FRMD4A: variants seen among roughly 807,000 people sequenced by gnomAD.
FRMD4A encodes the protein FERM domain containing 4A, also known as FERM domain-containing protein 4A.
FRMD4A carries 29 observed loss-of-function variants against 129.1 expected under a neutral mutation model. That is an observed-to-expected ratio of 0.22 (90% CI 0.17 to 0.31). FRMD4A has a LOEUF of 0.31. Among genes scored for constraint, FRMD4A ranks in the 10% least tolerant of loss-of-function variants. The probability of loss-of-function intolerance (pLI) is 1.00; values close to 1 mark genes in which losing one functional copy is unlikely to be tolerated. For synonymous variants in FRMD4A, 634 were observed against 571.6 expected, an observed-to-expected ratio of 1.11 and a Z score of -1.56; for missense variants, 1,272 against 1,375.8, an observed-to-expected ratio of 0.92 and a Z score of 1.19.
intron 2 of FRMD4A, among the ~76,000 whole-genome samples, chr10:14,204,105 G>C (rs1461941527): frequency 6.6e-6 from 1 of 152,138 alleles, no homozygotes; most frequent in Non-Finnish European, 1.5e-5. Flanking sequence ...ATTACCGAAA[G>C]GAAGAAAGGA....
chr10:13,844,685 G>C (rs750686070), intron 3 of FRMD4A, among the ~76,000 whole-genome samples: 2 of 152,206 alleles, frequency 1.3e-5, no homozygotes, highest in Non-Finnish European at 2.9e-5. Context: ...TCAGTTTGAA[G>C]TGGCACTTTG....
chr10:14,218,485 G>A (rs895383585), intron 2 of FRMD4A, among the ~76,000 whole-genome samples: 10 of 152,166 alleles, frequency 6.6e-5, no homozygotes, highest in African/African-American at 2.4e-4. Context: ...GGTTTATGAA[G>A]TTCTTTGTAT....
chr10:13,714,864 T>C (rs980795372), intron 12 of FRMD4A, among the ~76,000 whole-genome samples: 14 of 151,362 alleles, frequency 9.2e-5, no homozygotes, highest in African/African-American at 3.4e-4. Flanking sequence ...ATGGTGAACC[T>C]CTGTCTCTAC....
At position 13,940,364 on chromosome 10, in the gene FRMD4A, G is replaced by T. The variant is rs2095281758; in HGVS notation, c.46-81452C>A. Among the ~76,000 whole-genome samples the T allele has an allele frequency of 5.3e-5, 8 of 152,230 alleles. No homozygotes were observed. In the South Asian group the frequency reaches 1.5e-3, roughly 28 times the overall value. ...TTAGGAATATGTCAACTGTTGCAGTGTAAGGGGCTAGAATGTGAGGTCTTT... is the reference window on the plus strand; with the variant it reads ...TTAGGAATATGTCAACTGTTGCAGTTTAAGGGGCTAGAATGTGAGGTCTTT... On this transcript the variant is annotated intron_variant, in intron 2 of 24. Coordinates refer to ENST00000357447, the MANE Select transcript of FRMD4A (RefSeq NM_018027.5).
chr10:13,937,011 C>T (rs191762416), intron 2 of FRMD4A, among the ~76,000 whole-genome samples: 79 of 152,332 alleles, frequency 5.2e-4, no homozygotes, highest in African/African-American at 1.8e-3. Flanking sequence ...GGCAGGCATG[C>T]ATTGCCCTTC....
At chr10:13,712,143 T>C (rs964422997) in intron 12 of FRMD4A, 4 of 152,268 alleles carry the variant, frequency 2.6e-5, no homozygotes, top group African/African-American at 9.6e-5. Context: ...TAGTTTTCTA[T>C]ACAGCAATGC....
chr10:14,205,876 G>A (rs899638943), intron 2 of FRMD4A, among the ~76,000 whole-genome samples: 2 of 151,420 alleles, frequency 1.3e-5, no homozygotes, highest in African/African-American at 4.9e-5. Context: ...TGCTTGATTT[G>A]GGATGTAAAA....
At chr10:14,097,247 G>A (rs1487521603) in intron 2 of FRMD4A, 1 of 145,456 alleles carries the variant, frequency 6.9e-6, no homozygotes, top group African/African-American at 2.5e-5. Flanking sequence ...GTAAATTTTA[G>A]AAATAGAATT....
intron 2 of FRMD4A, among the ~76,000 whole-genome samples, chr10:13,925,550 C>G (rs2095121732): frequency 1.2e-5 from 1 of 82,466 alleles, no homozygotes; most frequent in African/African-American, 4.9e-5. Flanking sequence ...GTGAAAGTTT[C>G]TATTGTAGTG....
intron 2 of FRMD4A, among the ~76,000 whole-genome samples, chr10:14,130,409 T>C (rs1163044415): frequency 6.6e-6 from 1 of 152,094 alleles, no homozygotes; most frequent in Non-Finnish European, 1.5e-5. Flanking sequence ...TGCAGGTGCA[T>C]GCCACAATGT....
At chr10:13,680,617 T>C (rs943081708) in intron 15 of FRMD4A, among the ~76,000 whole-genome samples, 1 of 151,934 alleles carries the variant, frequency 6.6e-6, no homozygotes, top group Non-Finnish European at 1.5e-5. Flanking sequence ...TCCCAGCTAC[T>C]TGGGGAGCCG....
intron 2 of FRMD4A, among the ~76,000 whole-genome samples, chr10:13,972,953 C>A (rs1015920371): frequency 2.6e-4 from 39 of 152,234 alleles, no homozygotes; most frequent in African/African-American, 8.9e-4. Context: ...TTAACTAATA[C>A]CATCAGAAAA....
intron 19 of FRMD4A, among the ~76,000 whole-genome samples, chr10:13,663,052 G>C (rs1413142428): frequency 1.3e-5 from 2 of 151,922 alleles, no homozygotes; most frequent in African/African-American, 4.8e-5. Context: ...AAATTGCCAG[G>C]TGTGGTGGCA....
chr10:13,840,848 C>A (rs1163114834), intron 3 of FRMD4A, among the ~76,000 whole-genome samples: 1 of 129,022 alleles, frequency 7.8e-6, no homozygotes, highest in Non-Finnish European at 1.6e-5. Context: ...ATGGCTCATG[C>A]CTATAATCCC....
intron 2 of FRMD4A, among the ~76,000 whole-genome samples, chr10:13,916,293 T>G (rs1238633441): frequency 6.6e-6 from 1 of 152,200 alleles, no homozygotes; most frequent in African/African-American, 2.4e-5. Context: ...CCTCCCATCT[T>G]CTTCCTTGGG....
intron 2 of FRMD4A, among the ~76,000 whole-genome samples, chr10:14,109,887 G>C (rs932047238): frequency 7.9e-5 from 12 of 151,284 alleles, no homozygotes; most frequent in African/African-American, 2.9e-4. Context: ...CAGGAGAATC[G>C]CTTGAACCGG....
intron 2 of FRMD4A, among the ~76,000 whole-genome samples, chr10:14,152,273 AC>A (rs555313870): frequency 6.6e-6 from 1 of 151,166 alleles, no homozygotes; most frequent in South Asian, 2.1e-4. Context: ...GACTACAGAC[AC>A]CCGCCACCAC....
In FRMD4A at chr10:13,694,007, C is replaced by T; in HGVS notation, c.1008G>A (p.Glu336=). 1 of 1,527,414 alleles carries T rather than the reference C, an allele frequency of 6.5e-7. No individual in the cohort carries two copies. Among genetic ancestry groups the T allele is most frequent in the South Asian group, 1.3e-5 (1 of 76,088 alleles). 94.6% of individuals were successfully genotyped at this position (1,527,414 alleles called of 1,614,324 possible). Residue 336 remains glutamate, a synonymous_variant, in exon 15 of 25, where the codon GAG becomes GAA. Coordinates refer to ENST00000357447, the MANE Select transcript of FRMD4A (RefSeq NM_018027.5). Reference sequence around the variant, plus strand: ...CCGTCTCGGTCAGGTCGATGGCGATCTCACTCAGGCTGCGTGCTGCATGGA... The same window carrying T: ...CCGTCTCGGTCAGGTCGATGGCGATTTCACTCAGGCTGCGTGCTGCATGGA... ...SKIHAARSLS[E]IAIDLTETGT...
At chr10:13,792,286 C>T (rs1388209354) in intron 5 of FRMD4A, among the ~76,000 whole-genome samples, 13 of 152,090 alleles carry the variant, frequency 8.5e-5, no homozygotes, top group Admixed American at 2.0e-4. Flanking sequence ...GGGCTGGGGT[C>T]GCCGCATTTG....
Sources: gnomAD v4.1 joint callset for allele counts (sites outside exome capture counted in the v4.1 genomes callset) on GRCh38, gnomAD v4.1.1 for gene constraint, MANE v1.5 for transcripts, NCBI Gene and HGNC (gene_info 2026-07-23, HGNC 2026-07-21) for gene names.